The following FTO variants were observed in gnomAD, a reference collection of about 807,000 sequenced individuals.
FTO encodes the protein FTO alpha-ketoglutarate dependent dioxygenase, also known as alpha-ketoglutarate-dependent dioxygenase FTO.
A neutral mutation model predicts 63.9 loss-of-function variants in FTO; 47 were observed. The ratio of observed to expected loss-of-function variants is 0.74; its 90% confidence interval spans 0.58 to 0.94. FTO has a LOEUF of 0.94. Among genes scored for constraint, FTO ranks in the 40% least tolerant of loss-of-function variants. The pLI, the probability that FTO is intolerant of heterozygous loss-of-function variation, is 0.00. For synonymous variants in FTO, 207 were observed against 224.4 expected (o/e 0.92, Z 0.69); for missense variants, 562 against 618.1 (o/e 0.91, Z 0.96).
intron 8 of FTO, among the ~76,000 whole-genome samples, chr16:54,106,355 C>T (rs2144614688): frequency 6.6e-6 from 1 of 151,668 alleles, no homozygotes; most frequent in South Asian, 2.1e-4. Flanking sequence ...GGGAGAACCA[C>T]TCCTAAGTAG....
chr16:53,751,644 G>T (rs2076796473), intron 1 of FTO, among the ~76,000 whole-genome samples: 1 of 152,168 alleles, frequency 6.6e-6, no homozygotes, highest in African/African-American at 2.4e-5. Flanking sequence ...CAGGGGTGGG[G>T]TGAGAATCAG....
chr16:54,011,591 C>T (rs1157533585), intron 8 of FTO, among the ~76,000 whole-genome samples: 1 of 152,180 alleles, frequency 6.6e-6, no homozygotes, highest in Non-Finnish European at 1.5e-5. Flanking sequence ...TAGAAACCTG[C>T]ATTGAGTAAG....
intron 8 of FTO, among the ~76,000 whole-genome samples, chr16:54,086,739 T>C (rs1379846615): frequency 1.3e-5 from 2 of 152,232 alleles, no homozygotes; most frequent in Non-Finnish European, 2.9e-5. Context: ...CTCTTCAATT[T>C]AGAGCTTGTT....
chr16:53,952,233 G>A (rs2143535442), intron 8 of FTO, among the ~76,000 whole-genome samples: 1 of 152,294 alleles, frequency 6.6e-6, no homozygotes, highest in Non-Finnish European at 1.5e-5. Context: ...GCCAGGATTT[G>A]AGCCCAGGCA....
At chr16:54,035,089 C>G (rs1406388810) in intron 8 of FTO, among the ~76,000 whole-genome samples, 3 of 152,190 alleles carry the variant, frequency 2.0e-5, no homozygotes, top group African/African-American at 7.2e-5. Flanking sequence ...AGAATTCATA[C>G]ATCTTTCAAA....
intron 8 of FTO, among the ~76,000 whole-genome samples, chr16:54,093,454 G>A (rs533435310): frequency 1.8e-4 from 28 of 152,304 alleles, no homozygotes; most frequent in Admixed American, 1.2e-3. Flanking sequence ...TGGCAGGCCG[G>A]GCACGGGGCA....
chr16:53,813,013 C>T (rs901532502), intron 2 of FTO, among the ~76,000 whole-genome samples: 5 of 152,146 alleles, frequency 3.3e-5, no homozygotes, highest in South Asian at 4.1e-4. Flanking sequence ...CAGCTTTTGT[C>T]GTGTGAAAAT....
chr16:53,950,994 G>A (rs994682290), intron 8 of FTO, among the ~76,000 whole-genome samples: 3 of 152,158 alleles, frequency 2.0e-5, no homozygotes, highest in Non-Finnish European at 2.9e-5. Context: ...TTATTATAAC[G>A]AAGCTAATGA....
intron 8 of FTO, among the ~76,000 whole-genome samples, chr16:53,996,806 T>C (rs2083941492): frequency 6.6e-6 from 1 of 151,978 alleles, no homozygotes; most frequent in South Asian, 2.1e-4. Flanking sequence ...GAAAAGCCCC[T>C]TATAAAACCA....
intron 7 of FTO, among the ~76,000 whole-genome samples, chr16:53,918,424 G>C (rs2081934137): frequency 6.6e-6 from 1 of 152,136 alleles, no homozygotes; most frequent in African/African-American, 2.4e-5. Flanking sequence ...AGAAAAGGCA[G>C]AGTAAAAATA....
chr16:53,766,324 T>C (rs1053917247), intron 1 of FTO, among the ~76,000 whole-genome samples: 1 of 152,082 alleles, frequency 6.6e-6, no homozygotes, highest in Non-Finnish European at 1.5e-5. Flanking sequence ...CTCCCAGGCT[T>C]CAGCGATCCT....
At chr16:54,041,901 C>G (rs577720897) in intron 8 of FTO, among the ~76,000 whole-genome samples, 28 of 152,286 alleles carry the variant, frequency 1.8e-4, no homozygotes, top group Middle Eastern at 3.4e-3. Context: ...GAAACCTGCT[C>G]GAATAGAAGA....
intron 1 of FTO, among the ~76,000 whole-genome samples, chr16:53,785,071 A>G (rs1598649628): frequency 6.6e-6 from 1 of 152,222 alleles, no homozygotes; most frequent in African/African-American, 2.4e-5. Flanking sequence ...ATCATTATAT[A>G]TTAATAATAT....
Position 54,008,325 on chromosome 16 carries a change from A to G in FTO, c.1364+74216A>G, listed in dbSNP as rs529720052. 7.2e-5 allele frequency: 11 copies of G among 151,856 alleles called. No homozygotes were observed. In the South Asian group the frequency reaches 2.3e-3, roughly 32 times the overall value. 9.4% of individuals were successfully genotyped at this position (151,856 alleles called of 1,614,324 possible). A position where few individuals can be genotyped will look rare whatever the true frequency, so the allele number is the denominator to read the frequency against. ...GAGTTTCCTGCTTTTTGTGTCATTT[A>G]TCATCCCCTTTTATTTGATGTCTCT... On this transcript the variant is annotated intron_variant, in intron 8 of 8. Coordinates refer to ENST00000471389, the MANE Select transcript of FTO (RefSeq NM_001080432.3).
At position 54,068,778 on chromosome 16, in the gene FTO, G is replaced by A. The variant is rs571182952; in HGVS notation, c.1365-42984G>A. ...TTTGTGCATGGCTGTGGAGTGCTTC[G>A]TTAAGGCTATTGACATATATCTCTC... is the stretch of plus-strand genomic sequence containing the variant. On this transcript the variant is annotated intron_variant, in intron 8 of 8. Transcript: ENST00000471389. 1.3e-3 allele frequency among the ~76,000 whole-genome samples: 196 copies of A among 152,186 alleles called. 1 individual carries two copies. Among genetic ancestry groups the A allele is most frequent in the African/African-American group, 4.5e-3 (185 of 41,544 alleles).
At chr16:53,931,412 T>A (rs1306700507) in intron 7 of FTO, among the ~76,000 whole-genome samples, 1 of 150,750 alleles carries the variant, frequency 6.6e-6, no homozygotes, top group Non-Finnish European at 1.5e-5. Context: ...GTTCAAGCAA[T>A]TCTCCTGCCT....
At chr16:54,014,972 C>T (rs919534803) in intron 8 of FTO, among the ~76,000 whole-genome samples, 2 of 151,474 alleles carry the variant, frequency 1.3e-5, no homozygotes, top group Non-Finnish European at 2.9e-5. Flanking sequence ...CCTCCTGCCT[C>T]AGCCTCTCAA....
At chr16:53,981,203 T>G (rs908093708) in intron 8 of FTO, 5 of 152,300 alleles carry the variant, frequency 3.3e-5, no homozygotes, top group Non-Finnish European at 7.3e-5. Context: ...TGTGTGCCTG[T>G]AGGCCCAGCT....
At chr16:53,803,323 T>C (rs2078274026) in intron 1 of FTO, among the ~76,000 whole-genome samples, 1 of 152,194 alleles carries the variant, frequency 6.6e-6, no homozygotes, top group Non-Finnish European at 1.5e-5. Flanking sequence ...TTCCTGATGT[T>C]TTCTAAATTA....
Sources: gnomAD v4.1 joint callset for allele counts (sites outside exome capture counted in the v4.1 genomes callset) on GRCh38, gnomAD v4.1.1 for gene constraint, MANE v1.5 for transcripts, NCBI Gene and HGNC (gene_info 2026-07-23, HGNC 2026-07-21) for gene names.